The following CDH12 variants were observed in gnomAD, a reference collection of about 807,000 sequenced individuals.
CDH12 encodes the protein cadherin-12.
In CDH12, 41 loss-of-function variants were observed where a neutral mutation model predicts 74.1. The ratio of observed to expected loss-of-function variants is 0.55; its 90% CI spans 0.43 to 0.72. The LOEUF (loss-of-function observed/expected upper bound fraction) is 0.72, where lower values mean the gene tolerates loss of function less well. Among genes scored for constraint, CDH12 ranks in the 30% least tolerant of loss-of-function variants. CDH12 has a pLI of 0.00. For missense variants in CDH12, 945 were observed against 977.2 expected (o/e 0.97, Z 0.44); for synonymous variants, 399 against 355.0 (o/e 1.12, Z -1.39).
At chr5:22,032,389 G>C (rs866413962) in intron 5 of CDH12, among the ~76,000 whole-genome samples, 2 of 151,940 alleles carry the variant, frequency 1.3e-5, no homozygotes, top group Middle Eastern at 6.4e-3. Flanking sequence ...TGCCTGTGTG[G>C]AGCTTGCATC....
intron 5 of CDH12, among the ~76,000 whole-genome samples, chr5:22,061,311 A>AATGAAAC (rs1243121582): frequency 2.6e-5 from 4 of 152,146 alleles, no homozygotes; most frequent in Admixed American, 1.3e-4. Context: ...CCTCGTGAAC[A>AATGAAAC]ATGAAACATA....
chr5:21,996,416 C>G (rs1736305229), intron 5 of CDH12, among the ~76,000 whole-genome samples: 1 of 152,196 alleles, frequency 6.6e-6, no homozygotes, highest in African/African-American at 2.4e-5. Context: ...GGCATAAAAT[C>G]AGGCCGCTGG....
chr5:21,980,182 C>CATATATAT (rs370738806), intron 5 of CDH12, among the ~76,000 whole-genome samples: 37 of 145,910 alleles, frequency 2.5e-4, no homozygotes, highest in African/African-American at 9.2e-4. Context: ...ATATGTATGG[C>CATATATAT]ATATATATAT....
At chr5:22,306,622 A>G (rs2150424105) in intron 3 of CDH12, among the ~76,000 whole-genome samples, 1 of 152,316 alleles carries the variant, frequency 6.6e-6, no homozygotes, top group East Asian at 1.9e-4. Flanking sequence ...TACAGTTTCT[A>G]GCACACACTT....
At chr5:22,760,800 T>A (rs1427596495) in intron 1 of CDH12, among the ~76,000 whole-genome samples, 1 of 151,776 alleles carries the variant, frequency 6.6e-6, no homozygotes, top group Non-Finnish European at 1.5e-5. Context: ...TCTTAAACAG[T>A]GTAGTGTGCA....
At chr5:22,228,773 C>T (rs969513070) in intron 3 of CDH12, among the ~76,000 whole-genome samples, 1 of 150,370 alleles carries the variant, frequency 6.7e-6, no homozygotes, top group Non-Finnish European at 1.5e-5. Flanking sequence ...TGGTCACCAC[C>T]TCTAAATGCC....
intron 1 of CDH12, among the ~76,000 whole-genome samples, chr5:22,707,688 G>C (rs2126969131): frequency 6.6e-6 from 1 of 152,186 alleles, no homozygotes; most frequent in African/African-American, 2.4e-5. Flanking sequence ...GGAATATTTT[G>C]TCTATTTACT....
intron 3 of CDH12, among the ~76,000 whole-genome samples, chr5:22,340,206 C>T (rs1739782467): frequency 6.6e-6 from 1 of 152,056 alleles, no homozygotes; most frequent in Non-Finnish European, 1.5e-5. Flanking sequence ...TTTCTTAGCT[C>T]CATAGGGATA....
rs1580862137 is a variant in CDH12 at position 22,661,253 on chromosome 5, G to A, written c.-522-155889C>T. ...AACAAAGAATTAGCTGCAGCCAAGT[G>A]AATATCCTGAACAAAATTAGCTTCT... On this transcript the variant is annotated intron_variant, in intron 1 of 14. Transcript: ENST00000382254. Among the ~76,000 whole-genome samples, 3 of 152,150 alleles carry A rather than the reference G, an allele frequency of 2.0e-5. No individual in the cohort carries two copies. The East Asian group carries it at 5.8e-4, about 29-fold the overall frequency.
At chr5:22,602,133 CT>C (rs1736879588) in intron 1 of CDH12, among the ~76,000 whole-genome samples, 1 of 152,022 alleles carries the variant, frequency 6.6e-6, no homozygotes, top group African/African-American at 2.4e-5. Flanking sequence ...AAATAATTAG[CT>C]GTCAATTAGC....
chr5:22,426,592 A>G (rs1561395450), intron 2 of CDH12, among the ~76,000 whole-genome samples: 1 of 152,198 alleles, frequency 6.6e-6, no homozygotes, highest in Non-Finnish European at 1.5e-5. Flanking sequence ...GTTTGTGGAT[A>G]AATATACTGG....
At chr5:22,377,513 A>G (rs1741583427) in intron 3 of CDH12, among the ~76,000 whole-genome samples, 1 of 152,144 alleles carries the variant, frequency 6.6e-6, no homozygotes, top group African/African-American at 2.4e-5. Context: ...CAAGGCGACA[A>G]CCATACACAA....
intron 1 of CDH12, among the ~76,000 whole-genome samples, chr5:22,773,896 C>T (rs1746948794): frequency 6.6e-6 from 1 of 152,072 alleles, no homozygotes; most frequent in African/African-American, 2.4e-5. Flanking sequence ...AAATAATCAA[C>T]ATCACTATCA....
At chr5:22,787,132 C>A (rs2126369384) in intron 1 of CDH12, among the ~76,000 whole-genome samples, 1 of 151,770 alleles carries the variant, frequency 6.6e-6, no homozygotes, top group East Asian at 1.9e-4. Flanking sequence ...CTAAAACACA[C>A]ACACACCACA....
intron 1 of CDH12, among the ~76,000 whole-genome samples, chr5:22,628,584 GACACAGCCA>G (rs1457168264): frequency 2.0e-5 from 3 of 152,120 alleles, no homozygotes; most frequent in Non-Finnish European, 2.9e-5. Context: ...GGATCTCTGG[GACACAGCCA>G]AGGCAGTGTT....
intron 8 of CDH12, among the ~76,000 whole-genome samples, chr5:21,833,245 TTATATATTATATAACATATAA>T (rs1161336126): frequency 1.1e-4 from 5 of 44,226 alleles, no homozygotes; most frequent in Non-Finnish European, 1.6e-4. Flanking sequence ...ATAATATATA[TTATATATTATATAACATATAA>T]TATATATTAT....
chr5:22,077,520 T>C (rs1404981027), intron 5 of CDH12, among the ~76,000 whole-genome samples: 1 of 152,142 alleles, frequency 6.6e-6, no homozygotes, highest in Non-Finnish European at 1.5e-5. Flanking sequence ...TGACTTTGGA[T>C]TTATTTTAAA....
At chr5:22,005,220 T>A (rs1736871191) in intron 5 of CDH12, among the ~76,000 whole-genome samples, 1 of 152,076 alleles carries the variant, frequency 6.6e-6, no homozygotes, top group African/African-American at 2.4e-5. Flanking sequence ...TTTTTGTATA[T>A]TTAGTAGAGT....
At chr5:22,671,454 G>A (rs1740895259) in intron 1 of CDH12, among the ~76,000 whole-genome samples, 1 of 151,918 alleles carries the variant, frequency 6.6e-6, no homozygotes, top group Non-Finnish European at 1.5e-5. Flanking sequence ...TTGGAATAGG[G>A]TATTCTTTCT....
Sources: gnomAD v4.1 joint callset for allele counts (sites outside exome capture counted in the v4.1 genomes callset) on GRCh38, gnomAD v4.1.1 for gene constraint, MANE v1.5 for transcripts, NCBI Gene and HGNC (gene_info 2026-07-23, HGNC 2026-07-21) for gene names.